The following EXOC6 variants were observed in gnomAD, a reference collection of about 807,000 sequenced individuals.
EXOC6 encodes the protein exocyst complex component 6.
EXOC6 carries 60 observed loss-of-function variants against 112.5 expected under a neutral mutation model. The observed-to-expected ratio is 0.53, with a 90% CI of 0.43 to 0.66. EXOC6 has a LOEUF of 0.66. EXOC6 is among the 30% of genes least tolerant of loss of function. The probability of loss-of-function intolerance (pLI) is 0.00; values close to 1 mark genes in which losing one functional copy is unlikely to be tolerated. For missense variants in EXOC6, 855 were observed against 957.1 expected (o/e 0.89, Z 1.41); for synonymous variants, 295 against 308.0 (o/e 0.96, Z 0.44).
At chr10:93,014,606 G>C in intron 20 of EXOC6, among the ~76,000 whole-genome samples, 1 of 152,064 alleles carries the variant, frequency 6.6e-6, no homozygotes, top group Non-Finnish European at 1.5e-5. Context: ...ATGAAAATTG[G>C]TGGTATTAAC....
intron 18 of EXOC6, among the ~76,000 whole-genome samples, chr10:92,995,637 C>G (rs1034980952): frequency 6.6e-6 from 1 of 152,140 alleles, no homozygotes; most frequent in African/African-American, 2.4e-5. Flanking sequence ...TTCCCCACTT[C>G]TCATTCATAT....
intron 7 of EXOC6, 183 bp downstream of exon 7, chr10:92,916,096 G>A: frequency 4.4e-6 from 2 of 450,426 alleles, no homozygotes; most frequent in Non-Finnish European, 7.8e-6. Flanking sequence ...AGGCCGTGAA[G>A]GGAGGGCTGT....
chr10:92,903,997 T>G (rs772805842), intron 5 of EXOC6, among the ~76,000 whole-genome samples: 87 of 152,080 alleles, frequency 5.7e-4, no homozygotes, highest in Admixed American at 2.2e-3. Flanking sequence ...TACTGAACTT[T>G]GTACTGTTTC....
At chr10:92,992,146 G>A (rs191474398) in intron 18 of EXOC6, among the ~76,000 whole-genome samples, 131 of 151,766 alleles carry the variant, frequency 8.6e-4, no homozygotes, top group African/African-American at 3.0e-3. Flanking sequence ...AAAATTAGCC[G>A]GGCATGATGG....
intron 1 of EXOC6, among the ~76,000 whole-genome samples, chr10:92,889,715 GT>G (rs1849401387): frequency 6.6e-6 from 1 of 151,552 alleles, no homozygotes; most frequent in Admixed American, 6.6e-5. Context: ...ATCTTGGGTC[GT>G]GTTGTCAGTA....
At chr10:92,974,261 T>C (rs1589949107) in intron 18 of EXOC6, 29 bp downstream of exon 18, 2 of 1,444,556 alleles carry the variant, frequency 1.4e-6, no homozygotes, top group African/African-American at 2.9e-5. Flanking sequence ...AAAAATTGTT[T>C]TATGTTTGCT....
intron 1 of EXOC6, among the ~76,000 whole-genome samples, chr10:92,869,311 A>T (rs571016231): frequency 3.4e-4 from 37 of 107,450 alleles, no homozygotes; most frequent in East Asian, 2.8e-3. Context: ...CCTTTCTTTT[A>T]AAAAAAAAAA....
chr10:92,901,809 C>G (rs1210604186), intron 5 of EXOC6: 1 of 147,372 alleles, frequency 6.8e-6, no homozygotes, highest in Non-Finnish European at 1.5e-5. Context: ...ACCAGCCTGG[C>G]CCGTATGGTA....
intron 1 of EXOC6, among the ~76,000 whole-genome samples, chr10:92,855,390 T>C (rs1847551418): frequency 6.6e-6 from 1 of 152,172 alleles, no homozygotes; most frequent in South Asian, 2.1e-4. Context: ...GGTGATGTCT[T>C]TATCTGGCTT....
chr10:93,003,314 T>TCAG (rs1843837185), intron 19 of EXOC6, among the ~76,000 whole-genome samples: 1 of 152,168 alleles, frequency 6.6e-6, no homozygotes, highest in African/African-American at 2.4e-5. Context: ...TGGAAATAAT[T>TCAG]CAGTTACTGA....
In EXOC6 at chr10:92,975,340, G is replaced by A. The variant is rs571205573; in HGVS notation, c.1953+1108G>A. On this transcript the variant is annotated intron_variant, in intron 18 of 21. Coordinates refer to ENST00000260762, the MANE Select transcript of EXOC6 (RefSeq NM_019053.6). ...AGACCCTCTGCCTGGCAACCGCCCG[G>A]TCTGAGAAGTGAGGAGCCCCTCCGC... Among the ~76,000 whole-genome samples, 49 of 149,754 alleles carry A rather than the reference G, an allele frequency of 3.3e-4. No homozygotes were observed. In the East Asian group the frequency reaches 0.01, roughly 31 times the overall value.
intron 17 of EXOC6, among the ~76,000 whole-genome samples, chr10:92,966,438 TC>T (rs1338314733): frequency 1.5e-5 from 1 of 66,198 alleles, no homozygotes; most frequent in African/African-American, 6.2e-5. Flanking sequence ...CCCTCCCCCC[TC>T]CCCCCACCCC....
At chr10:92,940,555 T>A (rs1468179905) in intron 12 of EXOC6, among the ~76,000 whole-genome samples, 172 bp from the exon 13 acceptor site, 1 of 152,176 alleles carries the variant, frequency 6.6e-6, no homozygotes. Context: ...CCTCTTTTTT[T>A]ACCGAATGCA....
chr10:92,948,496 A>G (rs1372566511), intron 14 of EXOC6, 117 bp downstream of exon 14: 1 of 602,378 alleles, frequency 1.7e-6, no homozygotes, highest in African/African-American at 1.9e-5. Flanking sequence ...TTGAGGGGCA[A>G]CTTTTTGTTG....
intron 15 of EXOC6, among the ~76,000 whole-genome samples, 163 bp from the exon 16 acceptor site, chr10:92,954,467 A>G (rs375380271): frequency 6.6e-6 from 1 of 152,302 alleles, no homozygotes; most frequent in East Asian, 1.9e-4. Context: ...GCAAAGTTAA[A>G]TTGAAGTTTG....
intron 18 of EXOC6, among the ~76,000 whole-genome samples, chr10:92,991,453 AC>A (rs1223493401): frequency 5.3e-5 from 8 of 151,108 alleles, no homozygotes; most frequent in African/African-American, 1.5e-4. Flanking sequence ...AAAAAAAAAA[AC>A]AAAAGTTAGG....
At chr10:92,983,672 A>G (rs1049721065) in intron 18 of EXOC6, among the ~76,000 whole-genome samples, 1 of 151,456 alleles carries the variant, frequency 6.6e-6, no homozygotes, top group Non-Finnish European at 1.5e-5. Context: ...ACGCCCTACT[A>G]ATTTTTGTAG....
intron 20 of EXOC6, among the ~76,000 whole-genome samples, chr10:93,031,679 A>G (rs1845284796): frequency 6.6e-6 from 1 of 151,726 alleles, no homozygotes; most frequent in South Asian, 2.1e-4. Flanking sequence ...CACCCAGCTA[A>G]TTTTTGTATT....
chr10:93,051,525 C>T lies in EXOC6; in HGVS notation c.2170-5399C>T, dbSNP rs547626226. Reference sequence around the variant, plus strand: ...TGCTTTTTTGTATTGTAGTTATTGCCTATGCTCCTTCTGACTGCTACTTAA... The same window carrying T: ...TGCTTTTTTGTATTGTAGTTATTGCTTATGCTCCTTCTGACTGCTACTTAA... On this transcript the variant is annotated intron_variant, in intron 20 of 21. Transcript: ENST00000260762. Among the ~76,000 whole-genome samples the T allele has an allele frequency of 3.9e-5, 6 of 152,318 alleles. No homozygotes were observed. The South Asian group carries it at 1.0e-3, about 26-fold the overall frequency.
Sources: gnomAD v4.1 joint callset for allele counts (sites outside exome capture counted in the v4.1 genomes callset) on GRCh38, gnomAD v4.1.1 for gene constraint, MANE v1.5 for transcripts, NCBI Gene and HGNC (gene_info 2026-07-23, HGNC 2026-07-21) for gene names.